NAF1: variants seen among roughly 807,000 people sequenced by gnomAD.
NAF1 encodes the protein H/ACA ribonucleoprotein complex non-core subunit NAF1.
A neutral mutation model predicts 40.6 loss-of-function variants in NAF1; 11 were observed. That is an observed-to-expected ratio of 0.27 (90% confidence interval 0.17 to 0.45). The LOEUF is 0.45. NAF1 is among the 20% of genes least tolerant of loss of function. NAF1 has a pLI of 1.00. For missense variants in NAF1, 607 were observed against 611.1 expected, an observed-to-expected ratio of 0.99 and a Z score of 0.07; for synonymous variants, 260 against 228.5, an observed-to-expected ratio of 1.14 and a Z score of -1.24.
intron 4 of NAF1, chr4:163,142,085 T>G (rs1731282857): frequency 5.3e-6 from 1 of 189,014 alleles, no homozygotes; most frequent in Non-Finnish European, 9.8e-6. Context: ...TTTAAGAAAA[T>G]AGCAAGACAT....
intron 2 of NAF1, among the ~76,000 whole-genome samples, chr4:163,115,184 C>CG (rs1354507041): frequency 6.9e-6 from 1 of 145,586 alleles, no homozygotes; most frequent in Admixed American, 6.9e-5. Context: ...ATACTATTGG[C>CG]GATATAGGAC....
Position 163,128,987 on chromosome 4 carries a change from T to C in NAF1, c.1395A>G (p.Pro465=), listed in dbSNP as rs1368557463. 2.6e-6 allele frequency: 4 copies of C among 1,523,950 alleles called. No individual in the cohort carries two copies. The highest frequency in any genetic ancestry group is 4.0e-5 in the Admixed American group (2 of 50,072). The allele number at this position is 1,523,950 out of a possible 1,614,324, so 94.4% of individuals were successfully genotyped here. ...NMAAHPLLNL[P]YSLPPPPPPP... ...GGGGAGGGGGTGGGGGTAGGGAGTA[T>C]GGTAAGTTAAGTAATGGATGAGCAG... is the stretch of plus-strand genomic sequence containing the variant. The change falls in exon 8 of 8, where the codon CCA becomes CCG. Residue 465 remains proline (P), a synonymous_variant. Coordinates refer to ENST00000274054, the MANE Select transcript of NAF1 (RefSeq NM_138386.3).
At chr4:163,155,911 T>A (rs532832270) in intron 2 of NAF1, among the ~76,000 whole-genome samples, 5 of 148,520 alleles carry the variant, frequency 3.4e-5, no homozygotes, top group Admixed American at 3.4e-4. Flanking sequence ...GTAAAAGGCA[T>A]ACTAATAAAC....
At chr4:163,124,705 G>T (rs1730605298), downstream of NAF1, among the ~76,000 whole-genome samples, 1 of 152,150 alleles carries the variant, frequency 6.6e-6, no homozygotes, top group South Asian at 2.1e-4. Flanking sequence ...AGACCTAAGT[G>T]GTTAAGACAC....
intron 2 of NAF1, among the ~76,000 whole-genome samples, chr4:163,121,158 T>C (rs1336806566): frequency 1.3e-5 from 2 of 152,182 alleles, no homozygotes; most frequent in African/African-American, 4.8e-5. Context: ...CCCAAAGTGT[T>C]GGGATTACAG....
At chr4:163,147,122 G>A (rs1311940836) in intron 3 of NAF1, among the ~76,000 whole-genome samples, 6 of 151,838 alleles carry the variant, frequency 4.0e-5, no homozygotes, top group African/African-American at 7.3e-5. Flanking sequence ...CCAGAATCAC[G>A]GAAAGAATTT....
At chr4:163,144,987 TAC>T (rs1376828537) in intron 4 of NAF1, among the ~76,000 whole-genome samples, 3 of 152,190 alleles carry the variant, frequency 2.0e-5, no homozygotes, top group Non-Finnish European at 4.4e-5. Flanking sequence ...TTCAACTCAA[TAC>T]ACATTTACTT....
At position 163,129,092 on chromosome 4, in the gene NAF1, G is replaced by A. The variant is rs530535888; in HGVS notation, c.1290C>T (p.Asp430=). 5 of 1,605,828 alleles carry A rather than the reference G, an allele frequency of 3.1e-6. No individual in the cohort carries two copies. The highest frequency in any genetic ancestry group is 2.7e-5 in the African/African-American group (2 of 74,902). The change falls in exon 8 of 8, where the codon GAC becomes GAT. Residue 430 remains aspartate (D), a synonymous_variant. Transcript: ENST00000274054. ...GAGGGCGGAGGGGAAAATTATGCATGTCAAACACTGGAAGAGGAAAGGGGT... is the reference window on the plus strand; with the variant it reads ...GAGGGCGGAGGGGAAAATTATGCATATCAAACACTGGAAGAGGAAAGGGGT... The part of the protein sequence containing the change: ...PQYPFPLPVF[D]MHNFPLRPPP...
At chr4:163,146,396 C>T (rs1212928649) in intron 3 of NAF1, among the ~76,000 whole-genome samples, 1 of 152,080 alleles carries the variant, frequency 6.6e-6, no homozygotes, top group Admixed American at 6.6e-5. Flanking sequence ...AAAATTCCCT[C>T]CTCAAAAAGC....
downstream of NAF1, among the ~76,000 whole-genome samples, chr4:163,123,233 GAACT>G (rs1730563764): frequency 5.3e-5 from 8 of 152,226 alleles, no homozygotes; most frequent in South Asian, 1.2e-3. Flanking sequence ...GCTCTTGTGT[GAACT>G]AACAGAGTGA....
intron 2 of NAF1, among the ~76,000 whole-genome samples, chr4:163,161,900 C>G (rs1424221580): frequency 6.6e-6 from 1 of 152,182 alleles, no homozygotes; most frequent in African/African-American, 2.4e-5. Flanking sequence ...CACATTCACA[C>G]TCCCTTTCTG....
At chr4:163,129,409 T>C in intron 7 of NAF1, 61 bp from the exon 8 acceptor site, 1 of 1,452,444 alleles carries the variant, frequency 6.9e-7, no homozygotes, top group Non-Finnish European at 9.3e-7. Context: ...CAAAAAGCAT[T>C]GTTTGAAATT....
intron 2 of NAF1, among the ~76,000 whole-genome samples, chr4:163,118,843 A>G (rs1330353403): frequency 2.6e-5 from 4 of 152,236 alleles, no homozygotes; most frequent in African/African-American, 7.2e-5. Flanking sequence ...CTGTCATGAC[A>G]TATCTATCCA....
chr4:163,127,261 C>A, downstream of NAF1: 2 of 1,222,466 alleles, frequency 1.6e-6, no homozygotes, highest in Non-Finnish European at 2.1e-6. Flanking sequence ...TCCCGAGTAG[C>A]TGGGATTACA....
downstream of NAF1, among the ~76,000 whole-genome samples, chr4:163,105,786 A>G (rs140482853): frequency 2.0e-5 from 3 of 152,318 alleles, no homozygotes; most frequent in African/African-American, 7.2e-5. Context: ...ATCTGTCTTA[A>G]ATCTTTTAGC....
intron 4 of NAF1, chr4:163,144,158 A>T (rs1221465653): frequency 3.9e-6 from 1 of 259,684 alleles, no homozygotes; most frequent in East Asian, 1.8e-4. Context: ...TAGTTCATCA[A>T]GGGAACTAGC....
chr4:163,110,154 A>G lies in NAF1; in HGVS notation c.*122T>C. 5.1e-6 allele frequency: 3 copies of G among 584,032 alleles called. No homozygotes were observed. The South Asian group carries it at 6.4e-5, about 12-fold the overall frequency. 36.2% of individuals were successfully genotyped at this position (584,032 alleles called of 1,614,324 possible). A position where few individuals can be genotyped will look rare whatever the true frequency, so the allele number is the denominator to read the frequency against. On this transcript the variant is annotated 3_prime_UTR_variant, in exon 3 of 3. Coordinates refer to the NAF1 transcript ENST00000509434. ...ATGAGGTTCCCATGGCAACTCTTCT[A>G]TGGATAAGAATGCTTGACTAGGCTG...
At chr4:163,131,177 T>C (rs1335607222) in intron 7 of NAF1, among the ~76,000 whole-genome samples, 1 of 152,188 alleles carries the variant, frequency 6.6e-6, no homozygotes, top group Non-Finnish European at 1.5e-5. Context: ...CGGCCAATAA[T>C]GACTTTTTAG....
At chr4:163,133,516 A>G in intron 6 of NAF1, 1 of 346,810 alleles carries the variant, frequency 2.9e-6, no homozygotes, top group Non-Finnish European at 5.2e-6. Flanking sequence ...TTTAGACTTA[A>G]AATTCATCAT....
Sources: gnomAD v4.1 joint callset for allele counts (sites outside exome capture counted in the v4.1 genomes callset) on GRCh38, gnomAD v4.1.1 for gene constraint, MANE v1.5 for transcripts, NCBI Gene and HGNC (gene_info 2026-07-23, HGNC 2026-07-21) for gene names.